Variants in SAMD7 observed in about 807,000 individuals in gnomAD.
SAMD7 encodes the protein sterile alpha motif domain-containing protein 7.
A neutral mutation model predicts 36.7 loss-of-function variants in SAMD7; 34 were observed. The ratio of observed to expected loss-of-function variants is 0.93; its 90% confidence interval spans 0.71 to 1.23. The LOEUF (loss-of-function observed/expected upper bound fraction) is 1.23, where lower values mean the gene tolerates loss of function less well. Ranked by LOEUF, SAMD7 falls within the 50% of genes most tolerant of loss-of-function variation. The probability of loss-of-function intolerance (pLI) is 0.00; values close to 1 mark genes in which losing one functional copy is unlikely to be tolerated. For synonymous variants in SAMD7, 188 were observed against 189.7 expected (o/e 0.99, Z 0.07); for missense variants, 570 against 546.6 (o/e 1.04, Z -0.43).
rs558044430 is a variant in SAMD7, at chr3:169,925,357, T to C, written c.290+221T>C. Among the ~76,000 whole-genome samples, 158 of 144,560 alleles carry C rather than the reference T, an allele frequency of 1.1e-3. 1 individual carries two copies. The highest frequency in any genetic ancestry group is 3.5e-3 in the African/African-American group (135 of 38,058). The allele number at this position is 144,560 out of a possible 152,430, so 94.8% of individuals were successfully genotyped here. A position where few individuals can be genotyped will look rare whatever the true frequency, so the allele number is the denominator to read the frequency against. On this transcript the variant is annotated intron_variant, in intron 5 of 8. Coordinates refer to ENST00000335556, the MANE Select transcript of SAMD7 (RefSeq NM_001304366.2). ...CTATTCCTTTACTTTCTTAATAAACTTGCTTTCACTTAAAAAAAAAAAGAA... is the reference window on the plus strand; with the variant it reads ...CTATTCCTTTACTTTCTTAATAAACCTGCTTTCACTTAAAAAAAAAAAGAA...
In SAMD7 at chr3:169,926,668, C is replaced by T. The variant is rs1200391348; in HGVS notation, c.406C>T (p.Pro136Ser). The T allele has an allele frequency of 1.2e-6, 2 of 1,613,988 alleles. No individual in the cohort carries two copies. Among genetic ancestry groups the T allele is most frequent in the Admixed American group, 3.3e-5 (2 of 60,002 alleles). The stretch of plus-strand genomic sequence containing the variant: ...CTATGGCTCCAGTGTCCCAGCTGCC[C>T]CCGCTGCCTACCATGGCAGGAGCAT... The part of the protein sequence containing the change: ...FLYGSSVPAA[P>S]AAYHGRSMLP... Residue 136 changes from proline to serine, a missense_variant, in exon 6 of 9, where the codon CCC becomes TCC. Physicochemically the swap from Pro to Ser is moderately conservative, Grantham distance 74. Transcript: ENST00000335556.
At chr3:169,932,373 C>T (rs1035494277) in intron 7 of SAMD7, 7 of 655,962 alleles carry the variant, frequency 1.1e-5, no homozygotes, top group Non-Finnish European at 2.0e-5. Flanking sequence ...AAGTTGTTTT[C>T]GAACCTAAGT....
intron 5 of SAMD7, 142 bp from the exon 6 acceptor site, chr3:169,926,411 G>T: frequency 8.7e-7 from 1 of 1,150,966 alleles, no homozygotes; most frequent in Non-Finnish European, 1.2e-6. Flanking sequence ...CCTTCCCAGT[G>T]GCTTTGTGGG....
chr3:169,928,255 A>T (rs1293295213), intron 6 of SAMD7, among the ~76,000 whole-genome samples: 1 of 152,242 alleles, frequency 6.6e-6, no homozygotes, highest in Non-Finnish European at 1.5e-5. Context: ...CTTACAATAA[A>T]TGCTATCAGT....
In SAMD7 at chr3:169,917,007, T is replaced by C. The variant is rs141644457; in HGVS notation, c.-42+1566T>C. Among the ~76,000 whole-genome samples, 153 of 152,304 alleles carry C rather than the reference T, an allele frequency of 1.0e-3. 1 individual carries two copies. Among genetic ancestry groups the C allele is most frequent in the African/African-American group, 3.1e-3 (128 of 41,572 alleles). ...CAGATTTTTATTCTAATCCTGACTG[T>C]GTGGTGGTAACTAAACTCTCTGAGG... On this transcript the variant is annotated intron_variant, in intron 2 of 8. Coordinates refer to ENST00000335556, the MANE Select transcript of SAMD7 (RefSeq NM_001304366.2).
Position 169,927,110 on chromosome 3 carries a change from C to T in SAMD7, c.848C>T (p.Ser283Leu), listed in dbSNP as rs145475205. ...TGGGACGATGGGAAAGAGGAGGCTTCGGAGCAGATTTTTGCAACCTGTGAT... is the reference window on the plus strand; with the variant it reads ...TGGGACGATGGGAAAGAGGAGGCTTTGGAGCAGATTTTTGCAACCTGTGAT... Reference protein sequence around the residue: ...KAWDDGKEEASEQIFATCDEK... With the variant: ...KAWDDGKEEALEQIFATCDEK... Residue 283 changes from serine (S) to leucine (L), a missense_variant, in exon 6 of 9, where the codon TCG (serine) becomes TTG (leucine). Ser to Leu is a moderately radical substitution (Grantham distance 145, BLOSUM62 -2). Coordinates refer to ENST00000335556, the MANE Select transcript of SAMD7 (RefSeq NM_001304366.2). 104 of 1,585,300 alleles carry T rather than the reference C, an allele frequency of 6.6e-5. No homozygotes were observed. In the African/African-American group the frequency reaches 1.3e-3, roughly 20 times the overall value.
chr3:169,919,750 C>T (rs576713736), intron 3 of SAMD7, among the ~76,000 whole-genome samples, 166 bp downstream of exon 3: 3 of 152,370 alleles, frequency 2.0e-5, no homozygotes, highest in Admixed American at 1.3e-4. Context: ...TTCAAGACAT[C>T]TGCTGTCATT....
In SAMD7 at chr3:169,925,122, G is replaced by C. The variant is rs781581616; in HGVS notation, c.276G>C (p.Arg92=). The change falls in exon 5 of 9, where the codon CGG becomes CGC. Residue 92 remains arginine, a synonymous_variant. Coordinates refer to ENST00000335556, the MANE Select transcript of SAMD7 (RefSeq NM_001304366.2). Reference sequence around the variant, plus strand: ...CCAGAAGGAATGAAATGATTCAACGGCATCATACTGCCAGGTAATTTGGCA... The same window carrying C: ...CCAGAAGGAATGAAATGATTCAACGCCATCATACTGCCAGGTAATTTGGCA... The part of the protein sequence containing the change: ...AVARRNEMIQ[R]HHTARTEMEM... 6.2e-7 allele frequency: 1 copy of C among 1,605,238 alleles called. No individual in the cohort carries two copies.
chr3:169,933,666 A>G (rs181068290), intron 7 of SAMD7, among the ~76,000 whole-genome samples: 212 of 152,362 alleles, frequency 1.4e-3, no homozygotes, highest in African/African-American at 4.9e-3. Context: ...ATTAGAACAC[A>G]AGGTTCCCAG....
intron 1 of SAMD7, among the ~76,000 whole-genome samples, chr3:169,914,368 T>C (rs921112843): frequency 6.6e-6 from 1 of 152,190 alleles, no homozygotes; most frequent in African/African-American, 2.4e-5. Flanking sequence ...TGGGCATCAG[T>C]CGATATGATA....
chr3:169,915,947 G>A (rs1210275301), intron 2 of SAMD7, among the ~76,000 whole-genome samples: 4 of 152,144 alleles, frequency 2.6e-5, no homozygotes, highest in Non-Finnish European at 5.9e-5. Flanking sequence ...CCTATTTAAT[G>A]TGTACAATTT....
chr3:169,923,773 G>A (rs1367352217), intron 4 of SAMD7, among the ~76,000 whole-genome samples: 2 of 152,142 alleles, frequency 1.3e-5, no homozygotes, highest in Non-Finnish European at 2.9e-5. Context: ...GAAAGCATGG[G>A]TGAGATAAGG....
At chr3:169,933,302 T>C (rs749484484) in intron 7 of SAMD7, 2 of 399,976 alleles carry the variant, frequency 5.0e-6, no homozygotes, top group Non-Finnish European at 9.3e-6. Flanking sequence ...CAATTCCAAA[T>C]GGTATGAAAT....
chr3:169,935,692 A>G (rs1713691265), intron 7 of SAMD7, among the ~76,000 whole-genome samples: 1 of 152,210 alleles, frequency 6.6e-6, no homozygotes, highest in African/African-American at 2.4e-5. Flanking sequence ...TCATGAAATT[A>G]CGGTCCTATC....
intron 2 of SAMD7, among the ~76,000 whole-genome samples, chr3:169,917,050 A>G (rs1712835489): frequency 6.6e-6 from 1 of 152,260 alleles, no homozygotes; most frequent in Non-Finnish European, 1.5e-5. Flanking sequence ...CAGAAAGGAA[A>G]GTATACTGAC....
intron 6 of SAMD7, 127 bp from the exon 7 acceptor site, chr3:169,928,330 A>T: frequency 1.5e-6 from 1 of 655,248 alleles, no homozygotes; most frequent in Non-Finnish European, 2.6e-6. Context: ...ATCTCCTAGT[A>T]ATTCCTAATA....
Position 169,921,292 on chromosome 3 carries a change from A to C in SAMD7, c.165A>C (p.Leu55=), listed in dbSNP as rs201685566. The change falls in exon 4 of 9, where the codon CTA becomes CTC. Residue 55 remains leucine, a synonymous_variant. Transcript: ENST00000335556. The stretch of plus-strand genomic sequence containing the variant: ...CTTCCCAATTTGGATCCTCTGTTCT[A>C]CCAAACACAAATATGGCAAATGTGT... ...CVPSQFGSSV[L]PNTNMANVLS... The C allele has an allele frequency of 3.1e-6, 5 of 1,614,142 alleles. No individual in the cohort carries two copies. The East Asian group carries it at 1.1e-4, about 36-fold the overall frequency.
At chr3:169,930,908 G>A (rs1387205502) in intron 7 of SAMD7, among the ~76,000 whole-genome samples, 1 of 151,936 alleles carries the variant, frequency 6.6e-6, no homozygotes, top group East Asian at 1.9e-4. Flanking sequence ...AAATGAGTTG[G>A]ACCAAGGTGC....
chr3:169,921,050 T>C (rs1040991218), intron 3 of SAMD7, among the ~76,000 whole-genome samples, 164 bp from the exon 4 acceptor site: 1 of 152,218 alleles, frequency 6.6e-6, no homozygotes, highest in East Asian at 1.9e-4. Flanking sequence ...CTTTCCACCA[T>C]ATTTCTCCAT....
Sources: allele counts gnomAD v4.1 joint callset (sites outside exome capture counted in the v4.1 genomes callset), GRCh38; gene constraint gnomAD v4.1.1; transcripts MANE v1.5; gene names NCBI Gene and HGNC (gene_info 2026-07-23, HGNC 2026-07-21).